COBL: variants seen among roughly 807,000 people sequenced by gnomAD.
COBL encodes protein cordon-bleu.
A neutral mutation model predicts 98.8 loss-of-function variants in COBL; 51 were observed. The ratio of observed to expected loss-of-function variants is 0.52; its 90% confidence interval spans 0.41 to 0.65. The LOEUF (loss-of-function observed/expected upper bound fraction) is 0.65. COBL is among the 30% of genes least tolerant of loss of function. The pLI is 0.00. For synonymous variants in COBL, 634 were observed against 651.7 expected (o/e 0.97, Z 0.41); for missense variants, 1,617 against 1,617.5 (o/e 1.00, Z 0.01).
chr7:51,041,042 T>A lies in COBL; in HGVS notation c.1406+2341A>T, dbSNP rs540485186. On this transcript the variant is annotated intron_variant, in intron 8 of 12. Transcript: ENST00000265136. ...ACGTGGAGATTACAGTAGAAAGTGG[T>A]TTTTCTTTATGTTAAATGACTAAAA... Among the ~76,000 whole-genome samples the A allele has an allele frequency of 1.1e-4, 17 of 152,276 alleles. No homozygotes were observed. In the South Asian group the frequency reaches 3.5e-3, roughly 32 times the overall value.
intron 6 of COBL, among the ~76,000 whole-genome samples, chr7:51,131,025 T>C (rs926743532): frequency 2.0e-5 from 3 of 152,206 alleles, no homozygotes; most frequent in African/African-American, 7.2e-5. Flanking sequence ...AAATTTTTCA[T>C]AGAAAAGTCT....
chr7:51,151,793 T>C (rs1206535576), intron 5 of COBL, among the ~76,000 whole-genome samples: 1 of 152,202 alleles, frequency 6.6e-6, no homozygotes, highest in Non-Finnish European at 1.5e-5. Context: ...GAGCTTTGAA[T>C]CATTTCTTCA....
At chr7:51,213,046 T>G (rs561326252) in intron 2 of COBL, among the ~76,000 whole-genome samples, 3 of 152,340 alleles carry the variant, frequency 2.0e-5, no homozygotes, top group South Asian at 4.1e-4. Flanking sequence ...ACAAATTTAA[T>G]TTGCATGAAC....
At chr7:51,221,960 A>G (rs10275170) in intron 1 of COBL, among the ~76,000 whole-genome samples, 13,202 of 152,182 alleles carry the variant, frequency 0.087, 1,355 homozygotes, top group African/African-American at 0.24. Flanking sequence ...AGGCCAAGGC[A>G]GCCAGACTGC....
intron 6 of COBL, among the ~76,000 whole-genome samples, chr7:51,094,747 A>G (rs917204317): frequency 2.0e-5 from 3 of 152,198 alleles, no homozygotes; most frequent in African/African-American, 7.2e-5. Flanking sequence ...TGTTCACAAT[A>G]GTGTGTGAAT....
intron 7 of COBL, among the ~76,000 whole-genome samples, chr7:51,045,018 T>C (rs1789554418): frequency 1.3e-5 from 2 of 152,246 alleles, no homozygotes; most frequent in African/African-American, 4.8e-5. Flanking sequence ...ATATGCTGAA[T>C]GCAGTGATGC....
intron 12 of COBL, among the ~76,000 whole-genome samples, chr7:51,022,447 C>T (rs1478980929): frequency 6.6e-6 from 1 of 152,240 alleles, no homozygotes; most frequent in African/African-American, 2.4e-5. Context: ...CATGCCTGGG[C>T]CTCGCACGGC....
intron 7 of COBL, among the ~76,000 whole-genome samples, chr7:51,083,715 T>C (rs191508521): frequency 4.0e-4 from 61 of 152,358 alleles, no homozygotes; most frequent in African/African-American, 1.4e-3. Flanking sequence ...CCATTTATAC[T>C]TTTCAACCCC....
chr7:51,212,039 C>T (rs1792493576), intron 2 of COBL, among the ~76,000 whole-genome samples: 1 of 152,128 alleles, frequency 6.6e-6, no homozygotes, highest in African/African-American at 2.4e-5. Flanking sequence ...GTTTCTCTCC[C>T]CTTCCTCCGC....
intron 7 of COBL, among the ~76,000 whole-genome samples, chr7:51,047,507 T>C (rs1789831430): frequency 6.6e-6 from 1 of 152,264 alleles, no homozygotes; most frequent in South Asian, 2.1e-4. Flanking sequence ...CATCACTAAA[T>C]GTAAGTATCT....
At chr7:51,201,380 T>C (rs1173410699) in intron 2 of COBL, among the ~76,000 whole-genome samples, 1 of 152,050 alleles carries the variant, frequency 6.6e-6, no homozygotes, top group Non-Finnish European at 1.5e-5. Context: ...TAAGGGACAA[T>C]TCAACAGAAA....
chr7:51,043,220 A>G (rs941904284), intron 8 of COBL, among the ~76,000 whole-genome samples, 163 bp downstream of exon 8: 3 of 152,226 alleles, frequency 2.0e-5, no homozygotes, highest in Non-Finnish European at 4.4e-5. Flanking sequence ...ATGTATAGAC[A>G]GCACAGAGAC....
chr7:51,135,036 C>T (rs1799104565), intron 6 of COBL, among the ~76,000 whole-genome samples: 1 of 151,998 alleles, frequency 6.6e-6, no homozygotes, highest in Non-Finnish European at 1.5e-5. Context: ...GATCTTGGCT[C>T]ACTGCAACCT....
Position 51,085,305 on chromosome 7 carries a change from C to T in COBL, c.958-1G>A. On this transcript the variant is annotated splice_acceptor_variant, in intron 6 of 12. Transcript: ENST00000265136. LOFTEE classifies it high-confidence loss of function. ...AATCAATCTGTGACCCAAGAGATAC[C>T]TATGAAGTACAAAGAAGGAAAGTAC... is the stretch of plus-strand genomic sequence containing the variant. 1.9e-6 allele frequency: 3 copies of T among 1,604,506 alleles called. No individual in the cohort carries two copies. Among genetic ancestry groups the T allele is most frequent in the Non-Finnish European group, 2.5e-6 (3 of 1,176,738 alleles).
At chr7:51,297,775 C>T (rs1426746920) in intron 1 of COBL, among the ~76,000 whole-genome samples, 1 of 152,144 alleles carries the variant, frequency 6.6e-6, no homozygotes, top group Non-Finnish European at 1.5e-5. Flanking sequence ...GAAAAGCCAA[C>T]CATCAGAAAG....
At chr7:51,121,900 TG>T (rs1306377964) in intron 6 of COBL, among the ~76,000 whole-genome samples, 1 of 152,182 alleles carries the variant, frequency 6.6e-6, no homozygotes, top group African/African-American at 2.4e-5. Flanking sequence ...TACTGACTGT[TG>T]ACGTGACTGA....
At chr7:51,200,599 G>A (rs1335634925) in intron 2 of COBL, among the ~76,000 whole-genome samples, 1 of 152,024 alleles carries the variant, frequency 6.6e-6, no homozygotes. Context: ...AAACTCTATG[G>A]TAACCACACA....
chr7:51,213,329 TCC>T (rs1308927400), intron 2 of COBL, among the ~76,000 whole-genome samples: 2 of 152,182 alleles, frequency 1.3e-5, no homozygotes, highest in Admixed American at 6.5e-5. Context: ...CCATCTCCCG[TCC>T]AACCGCAGTG....
intron 1 of COBL, among the ~76,000 whole-genome samples, chr7:51,284,300 C>CA (rs554754924): frequency 6.4e-4 from 90 of 140,684 alleles, no homozygotes; most frequent in Middle Eastern, 3.7e-3. Flanking sequence ...GACTCCGTCT[C>CA]AAAAAAAAAA....
Sources: gnomAD v4.1 joint callset for allele counts (sites outside exome capture counted in the v4.1 genomes callset) on GRCh38, gnomAD v4.1.1 for gene constraint, MANE v1.5 for transcripts, NCBI Gene and HGNC (gene_info 2026-07-23, HGNC 2026-07-21) for gene names.